F12: variants seen among roughly 807,000 people sequenced by gnomAD.
F12 encodes the protein Hageman factor.
In F12, 70 loss-of-function variants were observed where a neutral mutation model predicts 74.8. The observed-to-expected ratio is 0.94, with a 90% CI of 0.77 to 1.14. F12 has a LOEUF of 1.14. Ranked by LOEUF, F12 falls within the 50% of genes most tolerant of loss-of-function variation. The pLI, the probability that F12 is intolerant of heterozygous loss-of-function variation, is 0.00. For missense variants in F12, 811 were observed against 835.7 expected (o/e 0.97, Z 0.36); for synonymous variants, 373 against 356.4 (o/e 1.05, Z -0.52).
At position 177,402,655 on chromosome 5, in the gene F12, C is replaced by G. The variant is rs1763168687; in HGVS notation, c.1575G>C (p.Pro525=). The change falls in exon 13 of 14, where the codon CCG becomes CCC. Residue 525 remains proline (P), a synonymous_variant. Transcript: ENST00000253496. The stretch of plus-strand genomic sequence containing the variant: ...CTGAGCAGCGCTCCAGGGAGAGGAA[C>G]GGTACCTGCGCCTCCTGCAGGAAGC... ...YASFLQEAQV[P]FLSLERCSAP... 6.2e-7 allele frequency: 1 copy of G among 1,612,782 alleles called. No individual in the cohort carries two copies. The highest frequency in any genetic ancestry group is 1.7e-5 in the Admixed American group (1 of 60,026).
chr5:177,402,291 A>G lies in F12; in HGVS notation c.*1T>C. The G allele has an allele frequency of 6.2e-7, 1 of 1,613,682 alleles. No homozygotes were observed. The highest frequency in any genetic ancestry group is 2.2e-5 in the East Asian group (1 of 44,882). On this transcript the variant is annotated 3_prime_UTR_variant, in exon 14 of 14. Coordinates refer to ENST00000253496, the MANE Select transcript of F12 (RefSeq NM_000505.4). ...GGAGGGAAAGATGAGTCCCTGAGCA[A>G]TCAGGAAACGGTGTGCTCCCGGATC...
At chr5:177,407,864 C>A (rs1763326863) in intron 2 of F12, among the ~76,000 whole-genome samples, 1 of 151,200 alleles carries the variant, frequency 6.6e-6, no homozygotes, top group Non-Finnish European at 1.5e-5. Flanking sequence ...AAGGATAGGG[C>A]ACCAAGTTTG....
At position 177,404,302 on chromosome 5, in the gene F12, C is replaced by CGGAGGCGCCGCCTGGGTT. The variant is rs774034606; in HGVS notation, c.894_911dup (p.Gln300_Thr305dup). On this transcript the variant is annotated inframe_insertion, in exon 9 of 14. Transcript: ENST00000253496. ...CATGAAGCCTAGGGGACACCGGGGTCGGAGGCGCCGCCTGGGTTGGGGTCT... is the reference window on the plus strand; with the variant it reads ...CATGAAGCCTAGGGGACACCGGGGTCGGAGGCGCCGCCTGGGTTGGAGGCGCCGCCTGGGTTGGGGTCT... 65 of 1,601,024 alleles carry CGGAGGCGCCGCCTGGGTT rather than the reference C, an allele frequency of 4.1e-5. No homozygotes were observed. The highest frequency in any genetic ancestry group is 5.3e-5 in the Non-Finnish European group (62 of 1,173,406).
At chr5:177,405,545 G>T in intron 4 of F12, 112 bp from the exon 5 acceptor site, 1 of 1,321,264 alleles carries the variant, frequency 7.6e-7, no homozygotes, top group Non-Finnish European at 1.1e-6. Context: ...AAGTTTCCAA[G>T]CTTGGTTTAC....
rs757024521 is a variant in F12, at chr5:177,402,713, C to G, written c.1532-15G>C. The G allele has an allele frequency of 3.7e-6, 6 of 1,610,906 alleles. No homozygotes were observed. The highest frequency in any genetic ancestry group is 5.1e-6 in the Non-Finnish European group (6 of 1,179,846). ...TTCCTCCGCCCCTGCGAACACAGAGCGCCTTCTTCACACCCCATCTGACAA... is the reference window on the plus strand; with the variant it reads ...TTCCTCCGCCCCTGCGAACACAGAGGGCCTTCTTCACACCCCATCTGACAA... On this transcript the variant is annotated splice_polypyrimidine_tract_variant and intron_variant, in intron 12 of 13. Coordinates refer to ENST00000253496, the MANE Select transcript of F12 (RefSeq NM_000505.4).
rs772687346 is a variant in F12, at chr5:177,404,280, G to A, written c.934C>T (p.His312Tyr). The part of the protein sequence containing the change: ...APPTPVSPRL[H>Y]VPLMPAQPAP... ...GGCTGCGCGGGCATGAGTGGGACAT[G>A]AAGCCTAGGGGACACCGGGGTCGGA... The change falls in exon 9 of 14, where the codon CAT (histidine) becomes TAT (tyrosine). Residue 312 changes from histidine (H) to tyrosine (Y), a missense_variant. Physicochemically the swap from His to Tyr is moderately conservative, Grantham distance 83. Coordinates refer to ENST00000253496, the MANE Select transcript of F12 (RefSeq NM_000505.4). 1.7e-5 allele frequency: 27 copies of A among 1,598,244 alleles called. No individual in the cohort carries two copies. Among genetic ancestry groups the A allele is most frequent in the Non-Finnish European group, 2.0e-5 (24 of 1,171,530 alleles).
intron 5 of F12, 51 bp from the exon 6 acceptor site, chr5:177,405,236 G>A: frequency 6.2e-7 from 1 of 1,613,360 alleles, no homozygotes; most frequent in Non-Finnish European, 8.5e-7. Context: ...ACCATGCCAA[G>A]TCTCCGAGTA....
rs1337659101 is a variant in F12, at chr5:177,404,831, T to C, written c.613A>G (p.Thr205Ala). The change falls in exon 7 of 14, where the codon ACC (threonine) becomes GCC (alanine). Residue 205 changes from threonine (T) to alanine (A), a missense_variant. By Grantham distance (58) the Thr-to-Ala change is moderately conservative. Transcript: ENST00000253496. The part of the protein sequence containing the change: ...HRLCHCPVGY[T>A]GAFCDVDTKA... ...TCACCCACGTCGCAGAAGGCTCCGG[T>C]GTAGCCCACCGGGCAGTGGCACAGG... 1 of 1,608,394 alleles carries C rather than the reference T, an allele frequency of 6.2e-7. No individual in the cohort carries two copies. Among genetic ancestry groups the C allele is most frequent in the Non-Finnish European group, 8.5e-7 (1 of 1,178,346 alleles).
intron 2 of F12, 24 bp downstream of exon 2, chr5:177,409,021 CG>C: frequency 6.5e-7 from 1 of 1,550,044 alleles, no homozygotes; most frequent in Non-Finnish European, 8.7e-7. Flanking sequence ...CAAGGGTTCC[CG>C]GGAGGAGGAG....
At chr5:177,408,996 A>G in intron 2 of F12, 50 bp downstream of exon 2, 2 of 1,533,688 alleles carry the variant, frequency 1.3e-6, no homozygotes, top group South Asian at 2.4e-5. Flanking sequence ...ACACTGCACC[A>G]TACACATCCC....
At chr5:177,405,707 AG>A in intron 4 of F12, 27 bp downstream of exon 4, 1 of 1,607,858 alleles carries the variant, frequency 6.2e-7, no homozygotes, top group South Asian at 1.1e-5. Context: ...AGAGAGCCCC[AG>A]GCCACCCCAG....
chr5:177,404,718 T>G, intron 7 of F12, 54 bp from the exon 8 acceptor site: 1 of 1,602,868 alleles, frequency 6.2e-7, no homozygotes, highest in Non-Finnish European at 8.5e-7. Flanking sequence ...CCTGCCTCCC[T>G]CTCATCTGCT....
rs938704666 is a variant in F12 at position 177,404,793 on chromosome 5, C to T, written c.634+17G>A. 5 of 1,595,694 alleles carry T rather than the reference C, an allele frequency of 3.1e-6. No individual in the cohort carries two copies. Among genetic ancestry groups the T allele is most frequent in the African/African-American group, 1.3e-5 (1 of 74,532 alleles). Reference sequence around the variant, plus strand: ...ACCTGGGGGCTGGCCTTCTGCTTGCCCCAGACCCTCACTCACCCACGTCGC... The same window carrying T: ...ACCTGGGGGCTGGCCTTCTGCTTGCTCCAGACCCTCACTCACCCACGTCGC... On this transcript the variant is annotated intron_variant, in intron 7 of 13. Transcript: ENST00000253496.
At position 177,405,181 on chromosome 5, in the gene F12, C is replaced by T. The variant is rs1007018777; in HGVS notation, c.402G>A (p.Lys134=). The T allele has an allele frequency of 8.7e-6, 14 of 1,613,854 alleles. No individual in the cohort carries two copies. Among genetic ancestry groups the T allele is most frequent in the Admixed American group, 8.3e-5 (5 of 60,006 alleles). Residue 134 remains lysine (K), a synonymous_variant, in exon 6 of 14, where the codon AAG becomes AAA. Transcript: ENST00000253496. ...HLTGNHCQKE[K]CFEPQLLRFF... ...ACCGGAGAAGCTGAGGCTCAAAGCA[C>T]TTCTCTGGGGACAAAGAGGGATAGT...
chr5:177,404,575 C>T lies in F12; in HGVS notation c.724G>A (p.Ala242Thr), dbSNP rs1169880006. 1.9e-6 allele frequency: 3 copies of T among 1,607,554 alleles called. No individual in the cohort carries two copies. The highest frequency in any genetic ancestry group is 1.7e-5 in the Admixed American group (1 of 59,438). The change falls in exon 8 of 14, where the codon GCC (alanine) becomes ACC (threonine). Residue 242 changes from alanine (A) to threonine (T), a missense_variant. Transcript: ENST00000253496. ...TLSGAPCQPW[A>T]SEATYRNVTA... Reference sequence around the variant, plus strand: ...ACGTTCCGGTAGGTGGCCTCCGAGGCCCACGGCTGACAGGGCGCACCCGAG... The same window carrying T: ...ACGTTCCGGTAGGTGGCCTCCGAGGTCCACGGCTGACAGGGCGCACCCGAG...
In F12 at chr5:177,403,319, C is replaced by T. The variant is rs1763188808; in HGVS notation, c.1466G>A (p.Ser489Asn). ...SPYVQPVCLP[S>N]GAARPSETTL... Reference sequence around the variant, plus strand: ...GGTCTCGGAGGGTCGCGCGGCGCCGCTTGGCAGGCACACCGGCTGAACGTA... The same window carrying T: ...GGTCTCGGAGGGTCGCGCGGCGCCGTTTGGCAGGCACACCGGCTGAACGTA... The change falls in exon 12 of 14, where the codon AGC becomes AAC. Residue 489 changes from serine (S) to asparagine (N), a missense_variant. Coordinates refer to ENST00000253496, the MANE Select transcript of F12 (RefSeq NM_000505.4). 1.3e-6 allele frequency: 2 copies of T among 1,599,348 alleles called. No homozygotes were observed. The highest frequency in any genetic ancestry group is 1.7e-6 in the Non-Finnish European group (2 of 1,179,794).
intron 2 of F12, among the ~76,000 whole-genome samples, chr5:177,406,311 ACC>A (rs1245662658): frequency 3.3e-5 from 5 of 151,958 alleles, no homozygotes; most frequent in Non-Finnish European, 5.9e-5. Context: ...ATACAGTGAA[ACC>A]CCCTCTCTAC....
chr5:177,404,080 C>T lies in F12; in HGVS notation c.1029G>A (p.Ala343=). 1 of 1,602,598 alleles carries T rather than the reference C, an allele frequency of 6.2e-7. No individual in the cohort carries two copies. The highest frequency in any genetic ancestry group is 8.5e-7 in the Non-Finnish European group (1 of 1,178,912). ...PQSQTPGALP[A]KREQPPSLTR... ...TCAGGGAAGGCGGCTGCTCCCGCTT[C>T]GCCGGCAAGGCTGTGGAGGAGCAGG... The change falls in exon 10 of 14, where the codon GCG becomes GCA. Residue 343 remains alanine (A), a synonymous_variant. Transcript: ENST00000253496.
rs1763225633 is a variant in F12 at position 177,404,265 on chromosome 5, G to T, written c.949C>A (p.Pro317Thr). Residue 317 changes from proline (P) to threonine (T), a missense_variant, in exon 9 of 14, where the codon CCC (proline) becomes ACC (threonine). By Grantham distance (38) the Pro-to-Thr change is conservative. Coordinates refer to ENST00000253496, the MANE Select transcript of F12 (RefSeq NM_000505.4). The part of the protein sequence containing the change: ...VSPRLHVPLM[P>T]AQPAPPKPQP... ...GGCTTCGGCGGTGCCGGCTGCGCGGGCATGAGTGGGACATGAAGCCTAGGG... is the reference window on the plus strand; with the variant it reads ...GGCTTCGGCGGTGCCGGCTGCGCGGTCATGAGTGGGACATGAAGCCTAGGG... 2.5e-6 allele frequency: 4 copies of T among 1,596,108 alleles called. No homozygotes were observed. Among genetic ancestry groups the T allele is most frequent in the Non-Finnish European group, 1.7e-6 (2 of 1,170,354 alleles).
Sources: allele counts gnomAD v4.1 joint callset (sites outside exome capture counted in the v4.1 genomes callset), GRCh38; gene constraint gnomAD v4.1.1; transcripts MANE v1.5; gene names NCBI Gene and HGNC (gene_info 2026-07-23, HGNC 2026-07-21).